Variants in PCDH15 observed in about 807,000 individuals in gnomAD.
The protein encoded by PCDH15 is protocadherin-15.
PCDH15 carries 129 observed loss-of-function variants against 178.5 expected under a neutral mutation model. The ratio of observed to expected loss-of-function variants is 0.72; its 90% confidence interval spans 0.63 to 0.84. The LOEUF is 0.84. Among genes scored for constraint, PCDH15 ranks in the 40% least tolerant of loss-of-function variants. The pLI is 0.00. For synonymous variants in PCDH15, 800 were observed against 732.0 expected (o/e 1.09, Z -1.50); for missense variants, 2,230 against 2,099.9 (o/e 1.06, Z -1.21).
intron 3 of PCDH15, among the ~76,000 whole-genome samples, chr10:54,412,729 G>A (rs1383780467): frequency 6.6e-6 from 1 of 152,096 alleles, no homozygotes; most frequent in Non-Finnish European, 1.5e-5. Context: ...TGTTGCTGTT[G>A]TTTCTTTTTT....
intron 3 of PCDH15, among the ~76,000 whole-genome samples, chr10:54,488,295 T>C: frequency 6.6e-6 from 1 of 151,892 alleles, no homozygotes; most frequent in East Asian, 1.9e-4. Flanking sequence ...AATTGGATAC[T>C]TGGATTATTT....
intron 3 of PCDH15, among the ~76,000 whole-genome samples, chr10:54,853,819 TC>T (rs1164176371): frequency 2.6e-5 from 4 of 152,274 alleles, no homozygotes; most frequent in African/African-American, 9.6e-5. Flanking sequence ...AACGTTCTTT[TC>T]AAGTTTTAAT....
chr10:55,043,986 T>G (rs1840934726), intron 2 of PCDH15, among the ~76,000 whole-genome samples: 1 of 151,914 alleles, frequency 6.6e-6, no homozygotes, highest in African/African-American at 2.4e-5. Flanking sequence ...ATAAAAGAGA[T>G]CCAGAATATA....
chr10:55,087,893 A>T (rs1354589957), intron 2 of PCDH15, among the ~76,000 whole-genome samples: 1 of 152,152 alleles, frequency 6.6e-6, no homozygotes, highest in South Asian at 2.1e-4. Flanking sequence ...TACATGAGTG[A>T]ATTAGATTAA....
chr10:54,655,425 T>C (rs1053622833), intron 2 of PCDH15: 1 of 116,648 alleles, frequency 8.6e-6, no homozygotes, highest in Non-Finnish European at 1.8e-5. Context: ...GTGTGTGTGG[T>C]GGGGTGTGTG....
intron 24 of PCDH15, among the ~76,000 whole-genome samples, chr10:53,940,331 T>C (rs1589528046): frequency 6.6e-6 from 1 of 152,266 alleles, no homozygotes. Flanking sequence ...TATTTTTATT[T>C]TTAATCATGA....
chr10:55,432,114 C>CACACACACA lies in PCDH15; in HGVS notation c.-156+195510_-156+195511insTGTGTGTGT, dbSNP rs71014487. Among the ~76,000 whole-genome samples the CACACACACA allele has an allele frequency of 6.1e-5, 9 of 146,968 alleles. No individual in the cohort carries two copies. In the South Asian group the frequency reaches 6.4e-4, roughly 10 times the overall value. ...ACACACACACACACACACACACACA[C>CACACACACA]CACAAGTCTCTCCAATTATATGCTC... On this transcript the variant is annotated intron_variant, in intron 2 of 5. Coordinates refer to the PCDH15 transcript ENST00000613346.
chr10:54,359,886 T>C (rs1945724172), intron 5 of PCDH15, among the ~76,000 whole-genome samples: 1 of 152,096 alleles, frequency 6.6e-6, no homozygotes, highest in African/African-American at 2.4e-5. Flanking sequence ...TAGGTATTGA[T>C]GAAAGATATG....
intron 11 of PCDH15, chr10:54,189,521 G>A (rs1051643144): frequency 1.1e-5 from 5 of 472,838 alleles, no homozygotes; most frequent in African/African-American, 1.0e-4. Context: ...TATTAGCATT[G>A]TGACCCACAT....
At chr10:54,067,672 C>G (rs184483623) in intron 17 of PCDH15, among the ~76,000 whole-genome samples, 3 of 152,164 alleles carry the variant, frequency 2.0e-5, no homozygotes, top group Non-Finnish European at 4.4e-5. Flanking sequence ...GGGCTGATCA[C>G]AAAAGGCTGA....
At chr10:54,838,282 A>G (rs1189566113) in intron 3 of PCDH15, among the ~76,000 whole-genome samples, 2 of 152,120 alleles carry the variant, frequency 1.3e-5, no homozygotes, top group Non-Finnish European at 2.9e-5. Flanking sequence ...CTAGATGGAG[A>G]TAATTGAATC....
At chr10:55,019,667 C>T (rs1400439068) in intron 2 of PCDH15, among the ~76,000 whole-genome samples, 1 of 152,148 alleles carries the variant, frequency 6.6e-6, no homozygotes, top group Non-Finnish European at 1.5e-5. Context: ...AATCCTGCAT[C>T]TGTTGCCAGT....
At chr10:54,707,037 TTACACATGTTA>T (rs1211100493) in intron 1 of PCDH15, among the ~76,000 whole-genome samples, 4 of 152,180 alleles carry the variant, frequency 2.6e-5, no homozygotes, top group Admixed American at 6.6e-5. Flanking sequence ...CTAATAGGGT[TTACACATGTTA>T]ATAGTAAGAG....
At chr10:54,042,955 A>G (rs1032512943) in intron 18 of PCDH15, among the ~76,000 whole-genome samples, 2 of 151,908 alleles carry the variant, frequency 1.3e-5, no homozygotes, top group Non-Finnish European at 2.9e-5. Context: ...ATAATGCAAG[A>G]ATCAGAAGTG....
chr10:53,959,311 C>T (rs1001275243), intron 23 of PCDH15, among the ~76,000 whole-genome samples: 4 of 150,640 alleles, frequency 2.7e-5, no homozygotes, highest in African/African-American at 4.9e-5. Flanking sequence ...CACACACAAA[C>T]GTACACACAT....
At chr10:53,842,693 C>A (rs1464557087) in intron 28 of PCDH15, among the ~76,000 whole-genome samples, 1 of 152,102 alleles carries the variant, frequency 6.6e-6, no homozygotes, top group Non-Finnish European at 1.5e-5. Flanking sequence ...TGAAATATTT[C>A]CATTAATAAG....
rs549556613 is a variant in PCDH15, at chr10:55,615,490, C to T, written c.-156+12135G>A. On this transcript the variant is annotated intron_variant, in intron 2 of 5. Transcript: ENST00000613346. ...AATGGGATAATTTATATTACTGCAACAAAATGCAAATATATATATTGTATA... is the reference window on the plus strand; with the variant it reads ...AATGGGATAATTTATATTACTGCAATAAAATGCAAATATATATATTGTATA... Among the ~76,000 whole-genome samples, 59 of 152,174 alleles carry T rather than the reference C, an allele frequency of 3.9e-4. 1 individual carries two copies. The South Asian group carries it at 0.012, about 30-fold the overall frequency.
intron 2 of PCDH15, among the ~76,000 whole-genome samples, chr10:54,647,303 C>T (rs1158613578): frequency 1.3e-5 from 2 of 151,894 alleles, no homozygotes; most frequent in Non-Finnish European, 2.9e-5. Context: ...TAGTGAAACT[C>T]ACAGAAGCAA....
At chr10:55,048,647 A>G (rs1841075765) in intron 2 of PCDH15, among the ~76,000 whole-genome samples, 1 of 151,920 alleles carries the variant, frequency 6.6e-6, no homozygotes, top group Non-Finnish European at 1.5e-5. Flanking sequence ...TTTAAAACAC[A>G]TATTCTAAGC....
Sources: gnomAD v4.1 joint callset for allele counts (sites outside exome capture counted in the v4.1 genomes callset) on GRCh38, gnomAD v4.1.1 for gene constraint, MANE v1.5 for transcripts, NCBI Gene and HGNC (gene_info 2026-07-23, HGNC 2026-07-21) for gene names.